Variants in SLC4A8 observed in about 807,000 individuals in gnomAD.
SLC4A8 encodes electroneutral sodium bicarbonate exchanger 1.
In SLC4A8, 40 loss-of-function variants were observed where a neutral mutation model predicts 125.0. That is an observed-to-expected ratio of 0.32 (90% CI 0.25 to 0.42). The LOEUF (loss-of-function observed/expected upper bound fraction) is 0.42. Among genes scored for constraint, SLC4A8 ranks in the 10% least tolerant of loss-of-function variants. The pLI is 1.00. For synonymous variants in SLC4A8, 456 were observed against 476.0 expected, an observed-to-expected ratio of 0.96 and a Z score of 0.55; for missense variants, 863 against 1,355.1, an observed-to-expected ratio of 0.64 and a Z score of 5.70.
At chr12:51,450,744 T>G in intron 2 of SLC4A8, 132 bp from the exon 3 acceptor site, 1 of 952,722 alleles carries the variant, frequency 1.0e-6, no homozygotes, top group East Asian at 2.7e-5. Flanking sequence ...TCTTTGAAGT[T>G]TTGTTGTTCC....
chr12:51,453,185 G>A (rs191356319), intron 4 of SLC4A8, among the ~76,000 whole-genome samples: 2 of 152,166 alleles, frequency 1.3e-5, no homozygotes, highest in African/African-American at 4.8e-5. Context: ...TACAGGTAAT[G>A]CATGCTCATT....
At chr12:51,463,395 G>A (rs1012492347) in intron 10 of SLC4A8, among the ~76,000 whole-genome samples, 14 of 148,892 alleles carry the variant, frequency 9.4e-5, no homozygotes, top group Admixed American at 6.7e-4. Flanking sequence ...TATGGAACAG[G>A]AAGAGAAATT....
chr12:51,496,217 G>C (rs971317727), intron 21 of SLC4A8, among the ~76,000 whole-genome samples: 2 of 152,212 alleles, frequency 1.3e-5, no homozygotes, highest in Non-Finnish European at 2.9e-5. Context: ...CACTAAATTA[G>C]AGAGAAATGT....
intron 1 of SLC4A8, among the ~76,000 whole-genome samples, chr12:51,411,446 G>A (rs909520521): frequency 6.6e-6 from 1 of 151,990 alleles, no homozygotes; most frequent in Non-Finnish European, 1.5e-5. Context: ...AAAATTAGCA[G>A]GGTATGGTGG....
intron 16 of SLC4A8, chr12:51,480,685 T>G (rs964993148): frequency 1.0e-6 from 1 of 964,700 alleles, no homozygotes; most frequent in Non-Finnish European, 1.2e-6. Context: ...TGGCTCAGAT[T>G]GGGAATTTTC....
intron 1 of SLC4A8, among the ~76,000 whole-genome samples, chr12:51,397,573 T>C (rs1319304675): frequency 1.3e-5 from 2 of 152,146 alleles, no homozygotes; most frequent in Non-Finnish European, 2.9e-5. Context: ...AAATTTCAGA[T>C]GCACAGAAAA....
At chr12:51,399,604 C>G (rs901612406) in intron 1 of SLC4A8, among the ~76,000 whole-genome samples, 1 of 152,168 alleles carries the variant, frequency 6.6e-6, no homozygotes, top group African/African-American at 2.4e-5. Flanking sequence ...CAGCAGCATT[C>G]AATTTTGGCA....
upstream of SLC4A8, among the ~76,000 whole-genome samples, chr12:51,423,606 G>A (rs1230851808): frequency 1.3e-5 from 2 of 152,138 alleles, no homozygotes; most frequent in South Asian, 2.1e-4. Context: ...AAGCAGGGGT[G>A]GAAAGTTTTA....
chr12:51,424,067 A>C (rs1166830305), upstream of SLC4A8, among the ~76,000 whole-genome samples: 1 of 3,506 alleles, frequency 2.9e-4, no homozygotes, highest in Non-Finnish European at 1.5e-3. Context: ...AAAAAACAAC[A>C]AAAAAAAAAC....
At chr12:51,473,564 G>A (rs746579950) in intron 14 of SLC4A8, among the ~76,000 whole-genome samples, 7 of 152,078 alleles carry the variant, frequency 4.6e-5, no homozygotes, top group African/African-American at 1.4e-4. Context: ...CAGTCATGCC[G>A]TATCTTAGAA....
intron 1 of SLC4A8, among the ~76,000 whole-genome samples, chr12:51,435,416 G>A (rs1252298744): frequency 2.6e-5 from 4 of 152,096 alleles, no homozygotes; most frequent in Non-Finnish European, 5.9e-5. Flanking sequence ...TAATGAGTTG[G>A]TTTATTAGTG....
chr12:51,493,864 A>C, intron 20 of SLC4A8, 92 bp downstream of exon 20: 1 of 825,712 alleles, frequency 1.2e-6, no homozygotes, highest in Admixed American at 1.8e-5. Context: ...AAGCACAACC[A>C]GTTCTTGAGA....
chr12:51,430,595 G>A (rs1476778267), intron 1 of SLC4A8, among the ~76,000 whole-genome samples: 2 of 152,162 alleles, frequency 1.3e-5, no homozygotes, highest in Non-Finnish European at 2.9e-5. Context: ...AGCTTCAGTA[G>A]GAGAGATGTG....
intron 1 of SLC4A8, among the ~76,000 whole-genome samples, chr12:51,398,092 C>T (rs1317311080): frequency 6.6e-6 from 1 of 152,110 alleles, no homozygotes; most frequent in East Asian, 1.9e-4. Context: ...CTTATTTTTA[C>T]AAGTGAGAAT....
At chr12:51,403,653 C>T (rs528875565) in intron 1 of SLC4A8, among the ~76,000 whole-genome samples, 4 of 152,280 alleles carry the variant, frequency 2.6e-5, no homozygotes, top group East Asian at 1.9e-4. Flanking sequence ...CAGCAGATAA[C>T]GGCAGGTTCA....
In SLC4A8 at chr12:51,471,464, A is replaced by C; in HGVS notation, c.1836A>C (p.Lys612Asn). 1 of 1,614,156 alleles carries C rather than the reference A, an allele frequency of 6.2e-7. No homozygotes were observed. The highest frequency in any genetic ancestry group is 1.3e-5 in the African/African-American group (1 of 75,036). ...TTTTCATCTATGAAGCAATAGAAAA[A>C]CTGATTCACCTGGCAGAGACCTACC... ...CIIFIYEAIE[K>N]LIHLAETYPI... Residue 612 changes from lysine to asparagine, a missense_variant, in exon 14 of 25, where the codon AAA becomes AAC. By Grantham distance (94) the Lys-to-Asn change is moderately conservative. Coordinates refer to ENST00000453097, the MANE Select transcript of SLC4A8 (RefSeq NM_001039960.3).
rs1176854528 is a variant in SLC4A8 at position 51,513,228 on chromosome 12, T to C, written c.*5790T>C. The C allele has an allele frequency of 6.6e-6, 1 of 152,236 alleles. No homozygotes were observed. Among genetic ancestry groups the C allele is most frequent in the Admixed American group, 6.5e-5 (1 of 15,286 alleles). The allele number at this position is 152,236 out of a possible 1,614,324, so 9.4% of individuals were successfully genotyped here. On this transcript the variant is annotated 3_prime_UTR_variant, in exon 25 of 25. Transcript: ENST00000453097. ...ATACTGTGAAATTGCCAAATATGTTTGGTTGCAGAAAACACAGCCTGGCTC... is the reference window on the plus strand; with the variant it reads ...ATACTGTGAAATTGCCAAATATGTTCGGTTGCAGAAAACACAGCCTGGCTC...
At chr12:51,419,158 C>T (rs1355833405) in intron 1 of SLC4A8, among the ~76,000 whole-genome samples, 1 of 152,234 alleles carries the variant, frequency 6.6e-6, no homozygotes, top group Non-Finnish European at 1.5e-5. Context: ...TGACCCAGCT[C>T]TGCTATTAAC....
intron 5 of SLC4A8, among the ~76,000 whole-genome samples, chr12:51,455,986 G>C (rs1428875862): frequency 6.6e-6 from 1 of 152,194 alleles, no homozygotes; most frequent in African/African-American, 2.4e-5. Flanking sequence ...GCAGTCACGG[G>C]AGAGTTTTGG....
Sources: gnomAD v4.1 joint callset for allele counts (sites outside exome capture counted in the v4.1 genomes callset) on GRCh38, gnomAD v4.1.1 for gene constraint, MANE v1.5 for transcripts, NCBI Gene and HGNC (gene_info 2026-07-23, HGNC 2026-07-21) for gene names.